The following FAM222B variants were observed in gnomAD, a reference collection of about 807,000 sequenced individuals.
FAM222B encodes protein FAM222B.
In FAM222B, 12 loss-of-function variants were observed where a neutral mutation model predicts 38.0. The ratio of observed to expected loss-of-function variants is 0.32; its 90% CI spans 0.20 to 0.51. The LOEUF (loss-of-function observed/expected upper bound fraction) is 0.51, where lower values mean the gene tolerates loss of function less well. Ranked by LOEUF, FAM222B falls within the 20% of genes least tolerant of loss-of-function variation. The pLI, the probability that FAM222B is intolerant of heterozygous loss-of-function variation, is 0.97. For synonymous variants in FAM222B, 329 were observed against 317.2 expected (o/e 1.04, Z -0.40); for missense variants, 716 against 754.2 (o/e 0.95, Z 0.59).
At chr17:28,763,034 C>G (rs1189159927) in intron 2 of FAM222B, among the ~76,000 whole-genome samples, 1 of 152,146 alleles carries the variant, frequency 6.6e-6, no homozygotes, top group African/African-American at 2.4e-5. Context: ...TGTAACTACA[C>G]AGCCAACACA....
chr17:28,798,972 G>GTTTTTTTTTTTTTTT (rs371016664), intron 1 of FAM222B, among the ~76,000 whole-genome samples: 1 of 148,738 alleles, frequency 6.7e-6, no homozygotes, highest in African/African-American at 2.5e-5. Context: ...ATGGAATCCT[G>GTTTTTTTTTTTTTTT]TTGTTTTTTT....
intron 1 of FAM222B, among the ~76,000 whole-genome samples, chr17:28,829,216 CT>C (rs1299769774): frequency 1.8e-4 from 4 of 21,970 alleles, no homozygotes; most frequent in Non-Finnish European, 3.8e-4. Flanking sequence ...CCTCTCTCTA[CT>C]CTTTTTTTTT....
Position 28,848,048 on chromosome 17 carries a change from G to GATT in FAM222B, c.-41+6901_-41+6902insAAT, listed in dbSNP as rs1480969163. 3.3e-5 allele frequency among the ~76,000 whole-genome samples: 5 copies of GATT among 152,286 alleles called. No homozygotes were observed. In the East Asian group the frequency reaches 7.7e-4, roughly 23 times the overall value. On this transcript the variant is annotated intron_variant, in intron 1 of 2. Coordinates refer to the FAM222B transcript ENST00000577513. ...CCAACACTTTGGAAGGCTGAGGTGG[G>GATT]TGACTTGAACCCTAGAGCGGTGTCT...
At chr17:28,787,934 C>T (rs186801893) in intron 1 of FAM222B, among the ~76,000 whole-genome samples, 223 of 148,982 alleles carry the variant, frequency 1.5e-3, no homozygotes, top group Non-Finnish European at 2.3e-3. Context: ...AAGCAATTCT[C>T]CTGCCTCAGC....
intron 1 of FAM222B, among the ~76,000 whole-genome samples, chr17:28,786,068 G>A (rs772758377): frequency 1.3e-5 from 2 of 151,030 alleles, no homozygotes; most frequent in Admixed American, 6.6e-5. Flanking sequence ...TCCTCACCTC[G>A]TGATCTATCC....
chr17:28,824,615 G>C (rs1246822070), intron 1 of FAM222B, among the ~76,000 whole-genome samples: 1 of 152,170 alleles, frequency 6.6e-6, no homozygotes, highest in Non-Finnish European at 1.5e-5. Flanking sequence ...TTCCAAAGGT[G>C]TAACAATCCC....
intron 1 of FAM222B, among the ~76,000 whole-genome samples, chr17:28,796,780 T>G (rs1168501774): frequency 1.3e-5 from 2 of 152,036 alleles, no homozygotes; most frequent in African/African-American, 2.4e-5. Context: ...TTGTGAGGAT[T>G]AAATGAGATG....
At chr17:28,773,368 G>A (rs1262097623) in intron 1 of FAM222B, among the ~76,000 whole-genome samples, 2 of 150,058 alleles carry the variant, frequency 1.3e-5, no homozygotes, top group African/African-American at 4.9e-5. Context: ...TGTAATCCCA[G>A]CTACTCGATA....
intron 1 of FAM222B, among the ~76,000 whole-genome samples, chr17:28,851,334 A>G (rs2152638362): frequency 6.6e-6 from 1 of 151,678 alleles, no homozygotes; most frequent in East Asian, 1.9e-4. Context: ...GGAGTTCGAG[A>G]CCAGCCTGGC....
chr17:28,807,829 G>T lies in FAM222B; in HGVS notation c.-41+34853C>A, dbSNP rs114552394. Among the ~76,000 whole-genome samples, 909 of 152,282 alleles carry T rather than the reference G, an allele frequency of 6.0e-3. 8 individuals carry two copies. Among genetic ancestry groups the T allele is most frequent in the African/African-American group, 0.02 (833 of 41,558 alleles). On this transcript the variant is annotated intron_variant, in intron 1 of 2. Coordinates refer to ENST00000581407, the MANE Select transcript of FAM222B (RefSeq NM_001077498.3). ...GCTAACATATAGAACAAAGTTTAAA[G>T]AAGATACAAAGGCCTGGACTCTAAA...
At chr17:28,760,597 A>G (rs2035025352) in intron 2 of FAM222B, among the ~76,000 whole-genome samples, 1 of 151,876 alleles carries the variant, frequency 6.6e-6, no homozygotes, top group African/African-American at 2.4e-5. Context: ...GAAAAAAAAA[A>G]AAGAGAGAAA....
chr17:28,774,494 A>G (rs1317270713), intron 1 of FAM222B, among the ~76,000 whole-genome samples: 6 of 151,772 alleles, frequency 4.0e-5, no homozygotes, highest in African/African-American at 1.2e-4. Flanking sequence ...AGCTTTTCCA[A>G]CTCTCCTGGG....
chr17:28,850,103 C>T (rs754953728), intron 1 of FAM222B, among the ~76,000 whole-genome samples: 4 of 151,948 alleles, frequency 2.6e-5, no homozygotes, highest in Non-Finnish European at 5.9e-5. Context: ...ATTCCCCCTC[C>T]TCCCATTATT....
At chr17:28,809,896 T>C (rs543883371) in intron 1 of FAM222B, among the ~76,000 whole-genome samples, 3 of 152,220 alleles carry the variant, frequency 2.0e-5, no homozygotes, top group African/African-American at 7.2e-5. Context: ...CACCCATGGG[T>C]AGAGAACATA....
chr17:28,769,984 T>C (rs1169527768), intron 1 of FAM222B, among the ~76,000 whole-genome samples: 1 of 152,122 alleles, frequency 6.6e-6, no homozygotes, highest in Non-Finnish European at 1.5e-5. Flanking sequence ...ACAGTATCCT[T>C]ATTTCCCTCA....
chr17:28,762,779 A>C, intron 2 of FAM222B, among the ~76,000 whole-genome samples: 1 of 151,886 alleles, frequency 6.6e-6, no homozygotes, highest in East Asian at 1.9e-4. Flanking sequence ...TCTACTAAAA[A>C]AATACAAAAA....
rs925818642 is a variant in FAM222B, at chr17:28,767,585, C to T, written c.-40-878G>A. Among the ~76,000 whole-genome samples the T allele has an allele frequency of 2.6e-5, 4 of 152,130 alleles. No homozygotes were observed. The East Asian group carries it at 7.7e-4, about 29-fold the overall frequency. ...TTGACTCCTGAGTTCAAGCGATTCT[C>T]GTCCCTCAGCCTCTCTAGCAGCTGG... On this transcript the variant is annotated intron_variant, in intron 1 of 2. Transcript: ENST00000581407.
intron 1 of FAM222B, chr17:28,812,155 T>C (rs963012174): frequency 6.6e-6 from 1 of 152,246 alleles, no homozygotes; most frequent in Admixed American, 6.5e-5. Context: ...CCCCTTTTCT[T>C]ACAAGGTTAA....
chr17:28,771,398 C>A (rs529440730), intron 1 of FAM222B, among the ~76,000 whole-genome samples: 1 of 152,244 alleles, frequency 6.6e-6, no homozygotes, highest in South Asian at 2.1e-4. Context: ...AATAACAACA[C>A]TGGCTGGGCG....
Sources: gnomAD v4.1 joint callset for allele counts (sites outside exome capture counted in the v4.1 genomes callset) on GRCh38, gnomAD v4.1.1 for gene constraint, MANE v1.5 for transcripts, NCBI Gene and HGNC (gene_info 2026-07-23, HGNC 2026-07-21) for gene names.